Variants in FANCM observed in about 807,000 individuals in gnomAD.
The protein encoded by FANCM is Fanconi anemia group M protein.
Under a neutral mutation model 199.5 loss-of-function variants are expected in FANCM, and 140 were observed. The ratio of observed to expected loss-of-function variants is 0.70; its 90% confidence interval spans 0.61 to 0.81. The LOEUF is 0.81. Among genes scored for constraint, FANCM ranks in the 30% least tolerant of loss-of-function variants. FANCM has a pLI of 0.00. For missense variants in FANCM, 2,410 were observed against 2,421.4 expected, an observed-to-expected ratio of 1.00 and a Z score of 0.10; for synonymous variants, 840 against 836.8, an observed-to-expected ratio of 1.00 and a Z score of -0.07.
chr14:45,181,330 C>A, intron 14 of FANCM, 100 bp from the exon 15 acceptor site: 1 of 678,748 alleles, frequency 1.5e-6, no homozygotes, highest in Non-Finnish European at 2.6e-6. Flanking sequence ...GTTGAGATTG[C>A]GTGAAATAAT....
intron 20 of FANCM, among the ~76,000 whole-genome samples, chr14:45,192,084 A>G (rs1425603151): frequency 6.6e-6 from 1 of 152,038 alleles, no homozygotes; most frequent in African/African-American, 2.4e-5. Context: ...TAATTTCTGA[A>G]TAATTGGGAT....
Position 45,199,946 on chromosome 14 carries a change from G to A in FANCM, c.6085G>A (p.Val2029Ile). 1 of 1,599,596 alleles carries A rather than the reference G, an allele frequency of 6.3e-7. No individual in the cohort carries two copies. The highest frequency in any genetic ancestry group is 2.2e-5 in the East Asian group (1 of 44,644). Residue 2029 changes from valine to isoleucine, a missense_variant, in exon 23 of 23, where the codon GTA becomes ATA. Transcript: ENST00000267430. ...GGAGATCTATAGATATATTCACTAT[G>A]TATTTGACATACAAATGTTACCAAA... is the stretch of plus-strand genomic sequence containing the variant. Reference protein sequence around the residue: ...AEEIYRYIHYVFDIQMLPNDL... With the variant: ...AEEIYRYIHYIFDIQMLPNDL...
In FANCM at chr14:45,141,282, C is replaced by T. The variant is rs1319679794; in HGVS notation, c.759+573C>T. ...CAGCCTGGGCGACAGAGCGAGGCTC[C>T]GTCTCAAAAAAAAAAAAAAAAAAAA... On this transcript the variant is annotated intron_variant, in intron 3 of 22. Transcript: ENST00000267430. 8.3e-5 allele frequency among the ~76,000 whole-genome samples: 10 copies of T among 121,160 alleles called. No individual in the cohort carries two copies. In the East Asian group the frequency reaches 1.5e-3, roughly 18 times the overall value. The allele number at this position is 121,160 out of a possible 152,430, so 79.5% of individuals were successfully genotyped here. A position where few individuals can be genotyped will look rare whatever the true frequency, so the allele number is the denominator to read the frequency against.
At chr14:45,138,795 G>A (rs1468861471) in intron 2 of FANCM, among the ~76,000 whole-genome samples, 1 of 152,050 alleles carries the variant, frequency 6.6e-6, no homozygotes, top group Non-Finnish European at 1.5e-5. Context: ...AGACAGCCCT[G>A]ACAGCTTACA....
chr14:45,187,780 G>A lies in FANCM; in HGVS notation c.4673-1G>A. ...TTATCTAAATTCTTATCTTTACACA[G>A]ATTCTGAAATGAGAGCTATTTACAT... On this transcript the variant is annotated splice_acceptor_variant, in intron 18 of 22. Coordinates refer to ENST00000267430, the MANE Select transcript of FANCM (RefSeq NM_020937.4). LOFTEE classifies it high-confidence loss of function. 6.9e-7 allele frequency: 1 copy of A among 1,441,862 alleles called. No homozygotes were observed. The highest frequency in any genetic ancestry group is 9.8e-7 in the Non-Finnish European group (1 of 1,023,896). 89.3% of individuals were successfully genotyped at this position (1,441,862 alleles called of 1,614,324 possible). A position where few individuals can be genotyped will look rare whatever the true frequency, so the allele number is the denominator to read the frequency against.
chr14:45,199,019 T>G, intron 22 of FANCM, 84 bp downstream of exon 22: 1 of 1,090,950 alleles, frequency 9.2e-7, no homozygotes. Flanking sequence ...TAAAAAAATT[T>G]AAGCGGCATC....
At position 45,188,956 on chromosome 14, in the gene FANCM, G is replaced by C. The variant is rs377502779; in HGVS notation, c.4934G>C (p.Arg1645Pro). Residue 1645 changes from arginine (R) to proline (P), a missense_variant, in exon 20 of 23, where the codon CGT becomes CCT. Transcript: ENST00000267430. ...AATAGTAAAAAGTATAAAACTCGAC[G>C]TGCAGTAATGCTAAAAGAAATGATG... ...FANSKKYKTRRAVMLKEMMEQ... is the reference protein window; with the variant it reads ...FANSKKYKTRPAVMLKEMMEQ... The C allele has an allele frequency of 1.9e-6, 3 of 1,613,968 alleles. No homozygotes were observed. Among genetic ancestry groups the C allele is most frequent in the East Asian group, 2.2e-5 (1 of 44,858 alleles).
Position 45,136,349 on chromosome 14 carries a change from T to TA in FANCM, c.319dup (p.Thr107AsnfsTer78), listed in dbSNP as rs768977650. ...TTTCCCGGGCTGCTCTGTTTTGCAA[T>TA]ACGCTGGTGTGTCTGCCTACCGGAC... On this transcript the variant is annotated frameshift_variant, in exon 1 of 23. Coordinates refer to ENST00000267430, the MANE Select transcript of FANCM (RefSeq NM_020937.4). LOFTEE classifies it high-confidence loss of function. The TA allele has an allele frequency of 6.2e-7, 1 of 1,614,178 alleles. No individual in the cohort carries two copies. Among genetic ancestry groups the TA allele is most frequent in the Admixed American group, 1.7e-5 (1 of 60,024 alleles).
intron 12 of FANCM, among the ~76,000 whole-genome samples, chr14:45,171,722 T>C (rs948473055): frequency 3.0e-5 from 4 of 135,286 alleles, no homozygotes; most frequent in Middle Eastern, 3.4e-3. Context: ...TGTGTGTGTG[T>C]GCATGTGTGT....
intron 16 of FANCM, among the ~76,000 whole-genome samples, 166 bp downstream of exon 16, chr14:45,181,871 G>A (rs1889095456): frequency 1.3e-5 from 2 of 152,116 alleles, no homozygotes; most frequent in African/African-American, 4.8e-5. Context: ...TTTCAAAGAT[G>A]TATTCACTGT....
chr14:45,191,560 C>T (rs1889767307), intron 20 of FANCM, among the ~76,000 whole-genome samples: 1 of 152,098 alleles, frequency 6.6e-6, no homozygotes, highest in Non-Finnish European at 1.5e-5. Context: ...AATATTTGTA[C>T]TTTGGTATGT....
intron 9 of FANCM, among the ~76,000 whole-genome samples, chr14:45,162,825 G>A (rs942288861): frequency 6.6e-6 from 1 of 151,480 alleles, no homozygotes; most frequent in African/African-American, 2.4e-5. Flanking sequence ...TTATTAATCT[G>A]TTAGTTATAT....
At position 45,159,356 on chromosome 14, in the gene FANCM, A is replaced by G. The variant is rs1566742967; in HGVS notation, c.1581+76A>G. 5.7e-6 allele frequency: 6 copies of G among 1,059,418 alleles called. No individual in the cohort carries two copies. The African/African-American group carries it at 6.4e-5, about 11-fold the overall frequency. The allele number at this position is 1,059,418 out of a possible 1,614,324, so 65.6% of individuals were successfully genotyped here. On this transcript the variant is annotated intron_variant, in intron 9 of 22. Transcript: ENST00000267430. ...CACTTGTTCTTTTTTTGTTAGTTTT[A>G]ACTCACTGGTCAATTAGCTACTTAA...
At position 45,199,960 on chromosome 14, in the gene FANCM, A is replaced by G. The variant is rs757734261; in HGVS notation, c.6099A>G (p.Gln2033=). The G allele has an allele frequency of 2.5e-6, 4 of 1,605,048 alleles. No individual in the cohort carries two copies. The highest frequency in any genetic ancestry group is 4.5e-5 in the East Asian group (2 of 44,684). Residue 2033 remains glutamine, a synonymous_variant, in exon 23 of 23, where the codon CAA becomes CAG. Coordinates refer to ENST00000267430, the MANE Select transcript of FANCM (RefSeq NM_020937.4). ...ATATTCACTATGTATTTGACATACAAATGTTACCAAATGATCTTAACCAAG... is the reference window on the plus strand; with the variant it reads ...ATATTCACTATGTATTTGACATACAGATGTTACCAAATGATCTTAACCAAG... ...YRYIHYVFDI[Q]MLPNDLNQDR...
chr14:45,162,265 A>C (rs1163835309), intron 9 of FANCM, among the ~76,000 whole-genome samples: 6 of 152,184 alleles, frequency 3.9e-5, no homozygotes, highest in African/African-American at 1.4e-4. Flanking sequence ...GGATGCCTAT[A>C]ATCTCAGCTA....
chr14:45,176,293 A>G lies in FANCM; in HGVS notation c.3539A>G (p.Asp1180Gly), dbSNP rs2139249394. Residue 1180 changes from aspartate (D) to glycine (G), a missense_variant, in exon 14 of 23, where the codon GAT (aspartate) becomes GGT (glycine). Physicochemically the swap from Asp to Gly is moderately conservative, Grantham distance 94 (BLOSUM62 -1). Coordinates refer to ENST00000267430, the MANE Select transcript of FANCM (RefSeq NM_020937.4). ...CTGGTCTCTCAGTTCTTAATTTCTGATGAACTTTTGTTGGACAATAATTCT... is the reference window on the plus strand; with the variant it reads ...CTGGTCTCTCAGTTCTTAATTTCTGGTGAACTTTTGTTGGACAATAATTCT... ...TPLVSQFLIS[D>G]ELLLDNNSEL... is the part of the protein sequence containing the mutation. 1 of 1,614,066 alleles carries G rather than the reference A, an allele frequency of 6.2e-7. No individual in the cohort carries two copies. Among genetic ancestry groups the G allele is most frequent in the South Asian group, 1.1e-5 (1 of 91,082 alleles).
In FANCM at chr14:45,135,981, G is replaced by C. The variant is rs1885453303; in HGVS notation, c.-51G>C. ...TGGGGATCGGAACCGTAGCGGTTGAGCTGCTGCTGCTACGGATATCTGACA... is the reference window on the plus strand; with the variant it reads ...TGGGGATCGGAACCGTAGCGGTTGACCTGCTGCTGCTACGGATATCTGACA... On this transcript the variant is annotated 5_prime_UTR_variant, in exon 1 of 23. Transcript: ENST00000267430. The C allele has an allele frequency of 6.3e-7, 1 of 1,592,824 alleles. No homozygotes were observed. The highest frequency in any genetic ancestry group is 1.3e-5 in the African/African-American group (1 of 74,568).
At chr14:45,182,211 G>A (rs1266333969) in intron 16 of FANCM, among the ~76,000 whole-genome samples, 2 of 152,116 alleles carry the variant, frequency 1.3e-5, no homozygotes, top group East Asian at 1.9e-4. Flanking sequence ...AACTGTATTT[G>A]GCAGTGAGGC....
Position 45,176,683 on chromosome 14 carries a change from T to G in FANCM, c.3929T>G (p.Leu1310Trp), listed in dbSNP as rs1888727736. ...EDMQNPNYVH[L>W]PLSAAKNEEL... The stretch of plus-strand genomic sequence containing the variant: ...ATGCAGAATCCAAATTATGTACATT[T>G]GCCACTGAGTGCAGCAAAAAATGAA... The change falls in exon 14 of 23, where the codon TTG (leucine) becomes TGG (tryptophan). Residue 1310 changes from leucine to tryptophan, a missense_variant. By Grantham distance (61) the Leu-to-Trp change is moderately conservative. Transcript: ENST00000267430. 1 of 1,613,856 alleles carries G rather than the reference T, an allele frequency of 6.2e-7. No homozygotes were observed.
Sources: gnomAD v4.1 joint callset for allele counts (sites outside exome capture counted in the v4.1 genomes callset) on GRCh38, gnomAD v4.1.1 for gene constraint, MANE v1.5 for transcripts, NCBI Gene and HGNC (gene_info 2026-07-23, HGNC 2026-07-21) for gene names.